VAT1L: variants seen among roughly 807,000 people sequenced by gnomAD.
VAT1L encodes vesicle amine transport 1 like.
In VAT1L, 34 loss-of-function variants were observed where a neutral mutation model predicts 44.1. That is an observed-to-expected ratio of 0.77 (90% CI 0.59 to 1.03). VAT1L has a LOEUF of 1.03. Ranked by LOEUF, VAT1L falls within the 50% of genes least tolerant of loss-of-function variation. The pLI, the probability that VAT1L is intolerant of heterozygous loss-of-function variation, is 0.00. For synonymous variants in VAT1L, 253 were observed against 202.2 expected, an observed-to-expected ratio of 1.25 and a Z score of -2.13; for missense variants, 615 against 538.8, an observed-to-expected ratio of 1.14 and a Z score of -1.40.
intron 3 of VAT1L, among the ~76,000 whole-genome samples, chr16:77,851,163 C>G (rs1350489878): frequency 6.6e-6 from 1 of 152,230 alleles, no homozygotes; most frequent in Non-Finnish European, 1.5e-5. Context: ...GCAACAGATA[C>G]TAGCCCGTCT....
chr16:77,825,391 T>A lies in VAT1L; in HGVS notation c.509T>A (p.Val170Glu), dbSNP rs1468422058. The change falls in exon 3 of 9, where the codon GTG becomes GAG. Residue 170 changes from valine to glutamate, a missense_variant. Transcript: ENST00000302536. The stretch of plus-strand genomic sequence containing the variant: ...CCCATGAACTTCGTCACAGCCTATG[T>A]GATGCTGTTTGAAGTTGCCAACCTC... ...AFPMNFVTAYVMLFEVANLRE... is the reference protein window; with the variant it reads ...AFPMNFVTAYEMLFEVANLRE... The A allele has an allele frequency of 3.1e-6, 5 of 1,613,398 alleles. No individual in the cohort carries two copies. In the African/African-American group the frequency reaches 6.7e-5, roughly 22 times the overall value.
chr16:77,790,682 T>C (rs2015818306), intron 1 of VAT1L, among the ~76,000 whole-genome samples: 1 of 152,212 alleles, frequency 6.6e-6, no homozygotes, highest in Non-Finnish European at 1.5e-5. Context: ...TGTATGCGTA[T>C]GTAATTTATG....
intron 7 of VAT1L, among the ~76,000 whole-genome samples, chr16:77,967,994 A>G (rs981654931): frequency 3.9e-5 from 6 of 152,134 alleles, no homozygotes; most frequent in African/African-American, 1.2e-4. Context: ...CTTTGGGTAA[A>G]TTGCTTCTAT....
chr16:77,879,343 T>G lies in VAT1L; in HGVS notation c.882+119T>G. 9.1e-7 allele frequency: 1 copy of G among 1,103,806 alleles called. No homozygotes were observed. The highest frequency in any genetic ancestry group is 1.4e-6 in the Non-Finnish European group (1 of 729,902). 68.4% of individuals were successfully genotyped at this position (1,103,806 alleles called of 1,614,324 possible). ...GTCTCGTTCTGTCACCAGGCTGGAG[T>G]GCAATGGCACGATCTCGGCTCATGG... On this transcript the variant is annotated intron_variant, in intron 6 of 8. Transcript: ENST00000302536. The surrounding 1 kb of genome is among the most constrained non-coding windows in gnomAD (Gnocchi z 4.1).
intron 7 of VAT1L, among the ~76,000 whole-genome samples, chr16:77,952,674 T>C (rs980262345): frequency 6.6e-6 from 1 of 151,908 alleles, no homozygotes; most frequent in Admixed American, 6.6e-5. Context: ...CTGGTCACCA[T>C]GGCAAAACCC....
chr16:77,809,007 G>C (rs74029413), intron 1 of VAT1L, among the ~76,000 whole-genome samples: 195 of 152,292 alleles, frequency 1.3e-3, no homozygotes, highest in African/African-American at 4.5e-3. Flanking sequence ...CAATGTGCTA[G>C]TTGAGTGGAG....
At chr16:77,847,781 G>C (rs111407525) in intron 3 of VAT1L, among the ~76,000 whole-genome samples, 2 of 152,276 alleles carry the variant, frequency 1.3e-5, no homozygotes, top group African/African-American at 2.4e-5. Context: ...GTTGTGCTGT[G>C]GTTGTGAATG....
At chr16:77,880,185 C>G (rs1279991107) in intron 6 of VAT1L, among the ~76,000 whole-genome samples, 1 of 152,146 alleles carries the variant, frequency 6.6e-6, no homozygotes, top group Non-Finnish European at 1.5e-5. Context: ...GAGACCGAGT[C>G]TAGCTCTGTC....
intron 4 of VAT1L, among the ~76,000 whole-genome samples, chr16:77,867,439 A>G (rs1326488004): frequency 1.3e-5 from 2 of 152,166 alleles, no homozygotes; most frequent in African/African-American, 2.4e-5. Context: ...TGGGTACACA[A>G]TATCATCTCA....
chr16:77,820,623 G>C (rs1396237835), intron 2 of VAT1L, among the ~76,000 whole-genome samples: 1 of 152,108 alleles, frequency 6.6e-6, no homozygotes, highest in African/African-American at 2.4e-5. Flanking sequence ...GAACAAAGGA[G>C]AGCTCTGCAG....
intron 3 of VAT1L, among the ~76,000 whole-genome samples, chr16:77,846,597 G>A (rs1026062194): frequency 6.6e-6 from 1 of 152,076 alleles, no homozygotes; most frequent in African/African-American, 2.4e-5. Context: ...TAGGTAAGAT[G>A]GACTTAGACT....
chr16:77,942,620 A>G (rs2017902452), intron 7 of VAT1L, among the ~76,000 whole-genome samples: 1 of 152,210 alleles, frequency 6.6e-6, no homozygotes, highest in Non-Finnish European at 1.5e-5. Flanking sequence ...TTTTTCAATT[A>G]CTGACTCTCC....
chr16:77,794,186 C>G (rs573889863), intron 1 of VAT1L, among the ~76,000 whole-genome samples: 12 of 152,112 alleles, frequency 7.9e-5, no homozygotes, highest in Non-Finnish European at 1.5e-4. Flanking sequence ...CACAGAGAGG[C>G]AGACGGGCAC....
At chr16:77,798,251 C>A (rs141725199) in intron 1 of VAT1L, among the ~76,000 whole-genome samples, 1 of 152,210 alleles carries the variant, frequency 6.6e-6, no homozygotes, top group Non-Finnish European at 1.5e-5. Flanking sequence ...CCTTTCTTAA[C>A]CTGGCACTAG....
At chr16:77,907,152 C>A (rs112102926) in intron 7 of VAT1L, among the ~76,000 whole-genome samples, 6 of 152,212 alleles carry the variant, frequency 3.9e-5, no homozygotes, top group Non-Finnish European at 5.9e-5. Context: ...ATACTCCCAT[C>A]GTGACCAATA....
intron 8 of VAT1L, among the ~76,000 whole-genome samples, chr16:77,974,640 G>T (rs1005220411): frequency 6.6e-6 from 1 of 152,156 alleles, no homozygotes; most frequent in Non-Finnish European, 1.5e-5. Flanking sequence ...TCGGCTCATT[G>T]CAACCTCTGC....
intron 1 of VAT1L, among the ~76,000 whole-genome samples, chr16:77,799,056 T>C (rs2015991101): frequency 6.8e-6 from 1 of 148,038 alleles, no homozygotes; most frequent in Non-Finnish European, 1.5e-5. Flanking sequence ...TGGTGGTCAT[T>C]AGCTGCAGCT....
At chr16:77,823,272 C>T (rs1164210734) in intron 2 of VAT1L, among the ~76,000 whole-genome samples, 3 of 152,022 alleles carry the variant, frequency 2.0e-5, no homozygotes, top group Admixed American at 6.6e-5. Context: ...TCTGAAACAT[C>T]GTCATCATAG....
chr16:77,854,696 C>A (rs547809707), intron 3 of VAT1L, among the ~76,000 whole-genome samples: 1 of 152,206 alleles, frequency 6.6e-6, no homozygotes, highest in South Asian at 2.1e-4. Context: ...AATCTTACCT[C>A]ACCATCTCCT....
Sources: allele counts gnomAD v4.1 joint callset (sites outside exome capture counted in the v4.1 genomes callset), GRCh38; gene constraint gnomAD v4.1.1; non-coding constraint Gnocchi (gnomAD v3.1); transcripts MANE v1.5; gene names NCBI Gene and HGNC (gene_info 2026-07-23, HGNC 2026-07-21).